Variants in CACNA1A observed in about 807,000 individuals in gnomAD.
The protein encoded by CACNA1A is calcium voltage-gated channel subunit alpha1 A.
In CACNA1A, 57 loss-of-function variants were observed where a neutral mutation model predicts 262.4. The observed-to-expected ratio is 0.22, with a 90% CI of 0.18 to 0.27. CACNA1A has a LOEUF of 0.27. Ranked by LOEUF, CACNA1A falls within the 10% of genes least tolerant of loss-of-function variation. The pLI is 1.00. For synonymous variants in CACNA1A, 1,431 were observed against 1,419.3 expected, an observed-to-expected ratio of 1.01 and a Z score of -0.18; for missense variants, 2,526 against 3,562.8, an observed-to-expected ratio of 0.71 and a Z score of 7.41.
chr19:13,307,979 G>C, intron 14 of CACNA1A, 125 bp from the exon 15 acceptor site: 1 of 1,368,732 alleles, frequency 7.3e-7, no homozygotes, highest in Non-Finnish European at 1.0e-6. Context: ...ACCCTGAGTG[G>C]TACCCAGGGC....
At chr19:13,384,873 G>T (rs573481588) in intron 3 of CACNA1A, among the ~76,000 whole-genome samples, 1 of 152,284 alleles carries the variant, frequency 6.6e-6, no homozygotes, top group African/African-American at 2.4e-5. Context: ...GCTGATGGTT[G>T]AGGGAGAACA....
intron 3 of CACNA1A, among the ~76,000 whole-genome samples, chr19:13,430,000 GGGGGGAA>G (rs1448850307): frequency 8.3e-5 from 10 of 120,758 alleles, no homozygotes; most frequent in African/African-American, 2.2e-4. Context: ...GGAGTGGGGA[GGGGGGAA>G]GGGGGAGTCG....
At chr19:13,496,283 A>G (rs1981527257) in intron 1 of CACNA1A, among the ~76,000 whole-genome samples, 1 of 152,190 alleles carries the variant, frequency 6.6e-6, no homozygotes, top group African/African-American at 2.4e-5. Context: ...TTTGTGTAAG[A>G]CCCAAACACT....
At chr19:13,348,116 G>T (rs1246204737) in intron 6 of CACNA1A, among the ~76,000 whole-genome samples, 2 of 151,944 alleles carry the variant, frequency 1.3e-5, no homozygotes, top group African/African-American at 4.8e-5. Context: ...TAAAGATGGG[G>T]TCTTGCTTTT....
chr19:13,232,285 T>C (rs893462160), intron 34 of CACNA1A, among the ~76,000 whole-genome samples: 13 of 151,176 alleles, frequency 8.6e-5, no homozygotes, highest in African/African-American at 3.2e-4. Flanking sequence ...CAGCCTCAAC[T>C]TCCCAGGCTC....
At chr19:13,322,534 T>C (rs10421428) in intron 10 of CACNA1A, among the ~76,000 whole-genome samples, 31,659 of 151,958 alleles carry the variant, frequency 0.21, 3,388 homozygotes, top group East Asian at 0.3. Flanking sequence ...GCCTGTGTTA[T>C]TAAAATGATG....
At chr19:13,416,533 C>T (rs780407031) in intron 3 of CACNA1A, among the ~76,000 whole-genome samples, 22 of 151,820 alleles carry the variant, frequency 1.4e-4, no homozygotes, top group African/African-American at 2.4e-4. Flanking sequence ...CTACAAAAAT[C>T]GGCCGGGCGC....
chr19:13,475,358 T>G (rs758337654), intron 1 of CACNA1A, among the ~76,000 whole-genome samples: 5 of 152,208 alleles, frequency 3.3e-5, no homozygotes, highest in Non-Finnish European at 7.3e-5. Context: ...CTCCAGCACT[T>G]ACTTTGAGAG....
intron 1 of CACNA1A, among the ~76,000 whole-genome samples, chr19:13,500,881 G>A (rs1982297540): frequency 6.6e-6 from 1 of 152,156 alleles, no homozygotes; most frequent in Non-Finnish European, 1.5e-5. Context: ...TACTGTCACA[G>A]GCAACAGCAT....
chr19:13,249,387 G>T (rs1225397879), intron 30 of CACNA1A, among the ~76,000 whole-genome samples: 1 of 152,064 alleles, frequency 6.6e-6, no homozygotes, highest in African/African-American at 2.4e-5. Context: ...ACAGGGTCTT[G>T]CTCTGTCACC....
intron 24 of CACNA1A, among the ~76,000 whole-genome samples, chr19:13,265,845 CTT>C (rs769952734): frequency 2.3e-4 from 32 of 137,612 alleles, no homozygotes; most frequent in African/African-American, 3.4e-4. Context: ...GTTAGATTTA[CTT>C]TTTTTTTTTT....
At chr19:13,275,694 C>T (rs762765396) in intron 24 of CACNA1A, 156 bp downstream of exon 24, 25 of 656,006 alleles carry the variant, frequency 3.8e-5, no homozygotes, top group Admixed American at 3.1e-4. Flanking sequence ...AAAAAGCCAT[C>T]GAAGCTCTTC....
At chr19:13,469,508 T>A in intron 1 of CACNA1A, among the ~76,000 whole-genome samples, 1 of 129,824 alleles carries the variant, frequency 7.7e-6, no homozygotes, top group Non-Finnish European at 1.6e-5. Flanking sequence ...TCTCGCCCTG[T>A]CGCCCAGGCT....
At chr19:13,321,781 T>C (rs375102466) in intron 10 of CACNA1A, among the ~76,000 whole-genome samples, 19 of 152,160 alleles carry the variant, frequency 1.2e-4, no homozygotes, top group African/African-American at 4.3e-4. Context: ...AAGTTGCTCT[T>C]GGTGAGGGAG....
chr19:13,210,835 G>A, intron 43 of CACNA1A, 183 bp from the exon 44 acceptor site: 1 of 678,650 alleles, frequency 1.5e-6, no homozygotes, highest in Non-Finnish European at 2.6e-6. Flanking sequence ...AGTCCTGGCG[G>A]GTGGGTGTCC....
chr19:13,396,651 C>A (rs1381407240), intron 3 of CACNA1A, among the ~76,000 whole-genome samples: 1 of 152,116 alleles, frequency 6.6e-6, no homozygotes, highest in Non-Finnish European at 1.5e-5. Context: ...CCTGCTGTAC[C>A]ATGCAGCTCT....
intron 31 of CACNA1A, among the ~76,000 whole-genome samples, chr19:13,238,701 T>G (rs1276893114): frequency 6.6e-6 from 1 of 151,894 alleles, no homozygotes; most frequent in African/African-American, 2.4e-5. Flanking sequence ...TTCTCCTGTC[T>G]CGGCCTCCTG....
At position 13,506,299 on chromosome 19, in the gene CACNA1A, G is replaced by A; in HGVS notation, c.-75C>T. On this transcript the variant is annotated 5_prime_UTR_variant, in exon 1 of 47. Transcript: ENST00000360228. ...AGACGCCGCCGCCGCCGCCGCCGCCGCTGATGCTGAGGCTGCCGGGGCTGG... is the reference window on the plus strand; with the variant it reads ...AGACGCCGCCGCCGCCGCCGCCGCCACTGATGCTGAGGCTGCCGGGGCTGG... 3.8e-6 allele frequency: 5 copies of A among 1,308,478 alleles called. No individual in the cohort carries two copies. Among genetic ancestry groups the A allele is most frequent in the Non-Finnish European group, 4.9e-6 (5 of 1,012,184 alleles). The allele number at this position is 1,308,478 out of a possible 1,614,324, so 81.1% of individuals were successfully genotyped here.
chr19:13,479,525 G>A (rs1439539608), intron 1 of CACNA1A, among the ~76,000 whole-genome samples: 1 of 152,172 alleles, frequency 6.6e-6, no homozygotes, highest in Non-Finnish European at 1.5e-5. Flanking sequence ...TTTTCCAAGT[G>A]ATCTTCTCGG....
Sources: gnomAD v4.1 joint callset for allele counts (sites outside exome capture counted in the v4.1 genomes callset) on GRCh38, gnomAD v4.1.1 for gene constraint, MANE v1.5 for transcripts, NCBI Gene and HGNC (gene_info 2026-07-23, HGNC 2026-07-21) for gene names.